Variants in VEPH1 observed in about 807,000 individuals in gnomAD.
VEPH1 encodes the protein ventricular zone expressed PH domain containing 1.
VEPH1 carries 80 observed loss-of-function variants against 85.2 expected under a neutral mutation model. The observed-to-expected ratio is 0.94, with a 90% CI of 0.78 to 1.13. VEPH1 has a LOEUF of 1.13. VEPH1 is among the 50% of genes most tolerant of loss of function. The probability of loss-of-function intolerance (pLI) is 0.00; values close to 1 mark genes in which losing one functional copy is unlikely to be tolerated. For synonymous variants in VEPH1, 297 were observed against 348.0 expected (o/e 0.85, Z 1.63); for missense variants, 955 against 980.5 (o/e 0.97, Z 0.35).
intron 1 of VEPH1, among the ~76,000 whole-genome samples, chr3:157,497,634 C>T (rs1739771446): frequency 6.6e-6 from 1 of 152,240 alleles, no homozygotes; most frequent in Non-Finnish European, 1.5e-5. Context: ...CATTCAACTG[C>T]CCCAGTCATA....
At chr3:157,327,267 G>T (rs577396917) in intron 9 of VEPH1, among the ~76,000 whole-genome samples, 13 of 152,282 alleles carry the variant, frequency 8.5e-5, no homozygotes, top group Admixed American at 4.6e-4. Flanking sequence ...GCCACCTTAG[G>T]GAGATAAGCA....
chr3:157,267,452 G>A (rs969720801), intron 12 of VEPH1, among the ~76,000 whole-genome samples: 2 of 151,392 alleles, frequency 1.3e-5, no homozygotes, highest in African/African-American at 4.9e-5. Context: ...TTTTCCGGAT[G>A]ACTATTCAAT....
chr3:157,461,092 A>G (rs1735823446), intron 3 of VEPH1, among the ~76,000 whole-genome samples: 1 of 152,234 alleles, frequency 6.6e-6, no homozygotes, highest in Non-Finnish European at 1.5e-5. Context: ...AAAAAAAATA[A>G]ATGAATGTAA....
intron 9 of VEPH1, among the ~76,000 whole-genome samples, chr3:157,361,237 C>G (rs1726018054): frequency 6.6e-6 from 1 of 152,170 alleles, no homozygotes. Flanking sequence ...TTTATTGTCA[C>G]CATTAAAATG....
chr3:157,438,216 G>C (rs1329412983), intron 4 of VEPH1, among the ~76,000 whole-genome samples: 1 of 151,926 alleles, frequency 6.6e-6, no homozygotes, highest in African/African-American at 2.4e-5. Flanking sequence ...AGACGTCTAG[G>C]GCCCCTTACA....
chr3:157,478,313 C>T (rs1469591020), intron 2 of VEPH1, among the ~76,000 whole-genome samples: 1 of 152,060 alleles, frequency 6.6e-6, no homozygotes, highest in Non-Finnish European at 1.5e-5. Context: ...TTTCCTCTGC[C>T]CAATCCTGCT....
Position 157,317,157 on chromosome 3 carries a change from G to C in VEPH1, c.1780C>G (p.Leu594Val). 1 of 1,612,770 alleles carries C rather than the reference G, an allele frequency of 6.2e-7. No individual in the cohort carries two copies. Among genetic ancestry groups the C allele is most frequent in the East Asian group, 2.2e-5 (1 of 44,746 alleles). The change falls in exon 10 of 14, where the codon CTG becomes GTG. Residue 594 changes from leucine to valine, a missense_variant. By Grantham distance (32) the Leu-to-Val change is conservative. Coordinates refer to ENST00000362010, the MANE Select transcript of VEPH1 (RefSeq NM_001167912.2). The part of the protein sequence containing the change: ...CVAKLFFTCS[L>V]KGHYCLYSKS... ...CTGTATAGGCAGTAATGACCCTTCA[G>C]GGAGCAGGTGAAGAACAACTTTGCT...
At chr3:157,345,635 A>C (rs1724125390) in intron 9 of VEPH1, among the ~76,000 whole-genome samples, 1 of 152,208 alleles carries the variant, frequency 6.6e-6, no homozygotes, top group African/African-American at 2.4e-5. Context: ...TTCCTCAAGG[A>C]TCTAGAACTA....
At chr3:157,410,731 T>A (rs1476222830) in intron 6 of VEPH1, among the ~76,000 whole-genome samples, 1 of 152,150 alleles carries the variant, frequency 6.6e-6, no homozygotes, top group Non-Finnish European at 1.5e-5. Context: ...GGAGCCTGCC[T>A]GACATTTATA....
intron 9 of VEPH1, among the ~76,000 whole-genome samples, chr3:157,318,345 T>A (rs1258734627): frequency 1.3e-5 from 2 of 152,180 alleles, no homozygotes; most frequent in Non-Finnish European, 2.9e-5. Flanking sequence ...TGGTGGCTCA[T>A]GCCTGTAATC....
At chr3:157,407,339 C>G (rs1021937263) in intron 6 of VEPH1, among the ~76,000 whole-genome samples, 1 of 152,090 alleles carries the variant, frequency 6.6e-6, no homozygotes, top group Non-Finnish European at 1.5e-5. Flanking sequence ...TTATGGAAAG[C>G]AATGTACTTC....
intron 9 of VEPH1, among the ~76,000 whole-genome samples, chr3:157,363,043 G>C (rs1287383236): frequency 6.6e-6 from 1 of 152,070 alleles, no homozygotes; most frequent in East Asian, 1.9e-4. Context: ...CCCAGAGCCG[G>C]CTTCAGGGTC....
At position 157,440,642 on chromosome 3, in the gene VEPH1, A is replaced by C. The variant is rs746641197; in HGVS notation, c.530-12154T>G. On this transcript the variant is annotated intron_variant, in intron 4 of 13. Coordinates refer to ENST00000362010, the MANE Select transcript of VEPH1 (RefSeq NM_001167912.2). ...CATATATGTATGTATACATACATAC[A>C]TATCCATATGTATATATGTGTGTAT... Among the ~76,000 whole-genome samples the C allele has an allele frequency of 2.6e-5, 4 of 152,082 alleles. No homozygotes were observed. In the East Asian group the frequency reaches 7.7e-4, roughly 29 times the overall value.
chr3:157,300,664 A>G (rs73873633), intron 11 of VEPH1, among the ~76,000 whole-genome samples: 197 of 152,378 alleles, frequency 1.3e-3, no homozygotes, highest in African/African-American at 4.3e-3. Flanking sequence ...AAGAAAGAGT[A>G]AAAAACAACA....
chr3:157,328,556 A>AG (rs1722171255), intron 9 of VEPH1, among the ~76,000 whole-genome samples: 2 of 152,346 alleles, frequency 1.3e-5, no homozygotes, highest in South Asian at 4.1e-4. Flanking sequence ...CTCTGGGGAC[A>AG]GGGCACAAGT....
rs1250786919 is a variant in VEPH1, at chr3:157,287,583, GAGAT to G, written c.2011-913_2011-910del. Among the ~76,000 whole-genome samples, 3 of 151,696 alleles carry G rather than the reference GAGAT, an allele frequency of 2.0e-5. No individual in the cohort carries two copies. In the East Asian group the frequency reaches 5.8e-4, roughly 29 times the overall value. On this transcript the variant is annotated intron_variant, in intron 11 of 13. Transcript: ENST00000362010. ...TAATTTTTACTTTTATTTTTTTACT[GAGAT>G]AGAGTCTCACTCTGTTGTCCAGGTT... is the stretch of plus-strand genomic sequence containing the variant.
chr3:157,469,060 T>C lies in VEPH1; in HGVS notation c.354+1254A>G, dbSNP rs566693109. 3.3e-5 allele frequency among the ~76,000 whole-genome samples: 5 copies of C among 152,266 alleles called. No individual in the cohort carries two copies. The South Asian group carries it at 1.0e-3, about 32-fold the overall frequency. On this transcript the variant is annotated intron_variant, in intron 3 of 13. Coordinates refer to ENST00000362010, the MANE Select transcript of VEPH1 (RefSeq NM_001167912.2). ...TGTTAAAGTGCACATTGGAGTGAAATAATCTATGTTTCTGATATATATCAA... is the reference window on the plus strand; with the variant it reads ...TGTTAAAGTGCACATTGGAGTGAAACAATCTATGTTTCTGATATATATCAA...
At chr3:157,437,813 A>T in intron 4 of VEPH1, 1 of 1,462,224 alleles carries the variant, frequency 6.8e-7, no homozygotes, top group Admixed American at 2.8e-5. Flanking sequence ...CGCCCAGAGG[A>T]GGCGGGGCGC....
At chr3:157,500,948 G>A (rs1740053090) in intron 1 of VEPH1, among the ~76,000 whole-genome samples, 1 of 152,102 alleles carries the variant, frequency 6.6e-6, no homozygotes, top group Non-Finnish European at 1.5e-5. Flanking sequence ...TTGTTGGGAG[G>A]TTTAAGGAGA....
Sources: gnomAD v4.1 joint callset for allele counts (sites outside exome capture counted in the v4.1 genomes callset) on GRCh38, gnomAD v4.1.1 for gene constraint, MANE v1.5 for transcripts, NCBI Gene and HGNC (gene_info 2026-07-23, HGNC 2026-07-21) for gene names.